Variants in SYNRG observed in about 807,000 individuals in gnomAD.
SYNRG encodes the protein AP1 gamma subunit binding protein 1.
Under a neutral mutation model 130.9 loss-of-function variants are expected in SYNRG, and 37 were observed. The observed-to-expected ratio is 0.28, with a 90% CI of 0.22 to 0.37. The LOEUF (loss-of-function observed/expected upper bound fraction) is 0.37, where lower values mean the gene tolerates loss of function less well. Ranked by LOEUF, SYNRG falls within the 10% of genes least tolerant of loss-of-function variation. The pLI is 1.00. For synonymous variants in SYNRG, 539 were observed against 568.1 expected, an observed-to-expected ratio of 0.95 and a Z score of 0.73; for missense variants, 1,338 against 1,588.9, an observed-to-expected ratio of 0.84 and a Z score of 2.68.
At chr17:37,539,648 G>A (rs764289214) in intron 16 of SYNRG, among the ~76,000 whole-genome samples, 1 of 152,222 alleles carries the variant, frequency 6.6e-6, no homozygotes, top group Non-Finnish European at 1.5e-5. Flanking sequence ...TGAGATTACA[G>A]GCATGAGCCA....
intron 19 of SYNRG, among the ~76,000 whole-genome samples, chr17:37,533,086 C>G (rs76550796): frequency 0.012 from 1,775 of 152,212 alleles, 29 homozygotes; most frequent in African/African-American, 0.039. Flanking sequence ...TGAGAACCCA[C>G]AGAAGAAATT....
intron 3 of SYNRG, among the ~76,000 whole-genome samples, chr17:37,589,600 T>A (rs1442368786): frequency 6.6e-6 from 1 of 151,422 alleles, no homozygotes; most frequent in Non-Finnish European, 1.5e-5. Context: ...ATACAAAAAA[T>A]TAGCCGGGCG....
chr17:37,520,633 G>C lies in SYNRG; in HGVS notation c.3682C>G (p.Leu1228Val). ...CGTAACATACAGGAGGAAAAATCCA[G>C]CGAGTTTTCATCTGGCTGTGAGGAC... ...LATLTPDENS[L>V]DFSSCMLRPG... Residue 1228 changes from leucine to valine, a missense_variant, in exon 20 of 22, where the codon CTG becomes GTG. Transcript: ENST00000612223. 3 of 1,614,196 alleles carry C rather than the reference G, an allele frequency of 1.9e-6. No individual in the cohort carries two copies. Among genetic ancestry groups the C allele is most frequent in the Non-Finnish European group, 1.7e-6 (2 of 1,180,036 alleles).
chr17:37,530,010 T>C (rs773635196), intron 19 of SYNRG, among the ~76,000 whole-genome samples: 7 of 152,120 alleles, frequency 4.6e-5, no homozygotes, highest in South Asian at 2.1e-4. Context: ...CTGGTATATA[T>C]ATGTACAAGA....
chr17:37,539,328 G>A, intron 16 of SYNRG, 83 bp from the exon 17 acceptor site: 2 of 1,425,768 alleles, frequency 1.4e-6, no homozygotes, highest in Non-Finnish European at 1.9e-6. Context: ...AAAGTGCTTG[G>A]AGGACTTTCC....
At position 37,524,069 on chromosome 17, in the gene SYNRG, G is replaced by A. The variant is rs564791629; in HGVS notation, c.3667-3421C>T. 6.4e-4 allele frequency among the ~76,000 whole-genome samples: 97 copies of A among 152,336 alleles called. 1 individual carries two copies. The South Asian group carries it at 0.02, about 31-fold the overall frequency. ...AACACAGCCCATCGTGGTGATGCCAGTGGGTGGCTGAAGTGCAGGGGAAGC... is the reference window on the plus strand; with the variant it reads ...AACACAGCCCATCGTGGTGATGCCAATGGGTGGCTGAAGTGCAGGGGAAGC... On this transcript the variant is annotated intron_variant, in intron 19 of 21. Coordinates refer to ENST00000612223, the MANE Select transcript of SYNRG (RefSeq NM_007247.6).
At chr17:37,525,769 C>T (rs375442906) in intron 19 of SYNRG, among the ~76,000 whole-genome samples, 81 of 152,222 alleles carry the variant, frequency 5.3e-4, no homozygotes, top group South Asian at 3.3e-3. Flanking sequence ...CTTTGGAGAC[C>T]AGCCTGGCCA....
At position 37,594,574 on chromosome 17, in the gene SYNRG, T is replaced by C. The variant is rs529763158; in HGVS notation, c.240+1649A>G. Among the ~76,000 whole-genome samples the C allele has an allele frequency of 4.0e-5, 6 of 151,334 alleles. No homozygotes were observed. The South Asian group carries it at 1.3e-3, about 32-fold the overall frequency. On this transcript the variant is annotated intron_variant, in intron 3 of 21. Coordinates refer to ENST00000612223, the MANE Select transcript of SYNRG (RefSeq NM_007247.6). ...GCCTCCTGGGTTCAAGCGATTCTCC[T>C]GCTCAGCCTCCTGAGTAGCTGGGAT...
chr17:37,566,167 A>G (rs1340324940), intron 11 of SYNRG, among the ~76,000 whole-genome samples: 1 of 152,290 alleles, frequency 6.6e-6, no homozygotes, highest in Non-Finnish European at 1.5e-5. Flanking sequence ...GGCCAGGATG[A>G]CAATGGCGGC....
At chr17:37,601,668 T>C (rs1478219172) in intron 1 of SYNRG, among the ~76,000 whole-genome samples, 1 of 152,166 alleles carries the variant, frequency 6.6e-6, no homozygotes, top group Non-Finnish European at 1.5e-5. Flanking sequence ...AACTTTATTT[T>C]TATTTTATTT....
chr17:37,554,118 A>T, intron 13 of SYNRG, 59 bp from the exon 14 acceptor site: 1 of 1,472,186 alleles, frequency 6.8e-7, no homozygotes, highest in Non-Finnish European at 9.3e-7. Flanking sequence ...CATATAATAC[A>T]CAGTATATTA....
At chr17:37,521,539 C>G (rs12450416) in intron 19 of SYNRG, among the ~76,000 whole-genome samples, 17,901 of 152,036 alleles carry the variant, frequency 0.12, 1,094 homozygotes, top group Admixed American at 0.16. Flanking sequence ...AGCCGCAGCA[C>G]GAGGACTCCA....
intron 8 of SYNRG, among the ~76,000 whole-genome samples, chr17:37,575,284 A>C (rs2060730123): frequency 6.6e-6 from 1 of 152,134 alleles, no homozygotes; most frequent in Non-Finnish European, 1.5e-5. Context: ...TTGTACACTT[A>C]AAATAACTTA....
At chr17:37,577,842 G>A (rs1395871849) in intron 6 of SYNRG, among the ~76,000 whole-genome samples, 1 of 129,766 alleles carries the variant, frequency 7.7e-6, no homozygotes. Flanking sequence ...GAGATTATAG[G>A]CGCCCGCCAC....
chr17:37,548,674 T>C (rs1474864327), intron 14 of SYNRG, among the ~76,000 whole-genome samples: 2 of 151,154 alleles, frequency 1.3e-5, no homozygotes. Context: ...AAAAATTAGC[T>C]GGGCGTGGTG....
At chr17:37,551,757 C>G (rs888646702) in intron 14 of SYNRG, among the ~76,000 whole-genome samples, 19 of 149,884 alleles carry the variant, frequency 1.3e-4, no homozygotes, top group African/African-American at 4.7e-4. Context: ...GAGCACTTTG[C>G]AACCAACTGC....
chr17:37,536,012 G>C lies in SYNRG; in HGVS notation c.3633C>G (p.Asn1211Lys), dbSNP rs778838483. 1 of 1,613,968 alleles carries C rather than the reference G, an allele frequency of 6.2e-7. No individual in the cohort carries two copies. The highest frequency in any genetic ancestry group is 1.3e-5 in the African/African-American group (1 of 75,046). The change falls in exon 19 of 22, where the codon AAC becomes AAG. Residue 1211 changes from asparagine (N) to lysine (K), a missense_variant. Physicochemically the swap from Asn to Lys is moderately conservative, Grantham distance 94 (BLOSUM62 0). Transcript: ENST00000612223. Reference protein sequence around the residue: ...LLKDIDKVWNNLIGFMSLATL... With the variant: ...LLKDIDKVWNKLIGFMSLATL... ...TGGCGAGTGACATGAAGCCGATTAGGTTATTCCATACTTTATCGATGTCCT... is the reference window on the plus strand; with the variant it reads ...TGGCGAGTGACATGAAGCCGATTAGCTTATTCCATACTTTATCGATGTCCT...
At chr17:37,574,955 C>A (rs545963477) in intron 8 of SYNRG, among the ~76,000 whole-genome samples, 54 of 152,112 alleles carry the variant, frequency 3.6e-4, no homozygotes, top group Middle Eastern at 3.4e-3. Flanking sequence ...CACAATGGAG[C>A]ACAATTCAGC....
intron 3 of SYNRG, among the ~76,000 whole-genome samples, chr17:37,588,738 ATT>A (rs1939642567): frequency 7.8e-6 from 1 of 128,364 alleles, no homozygotes; most frequent in African/African-American, 3.0e-5. Flanking sequence ...TCCTAGAATT[ATT>A]CTTTTTTTTT....
Sources: gnomAD v4.1 joint callset for allele counts (sites outside exome capture counted in the v4.1 genomes callset) on GRCh38, gnomAD v4.1.1 for gene constraint, MANE v1.5 for transcripts, NCBI Gene and HGNC (gene_info 2026-07-23, HGNC 2026-07-21) for gene names.